Variants in PDE4D observed in about 807,000 individuals in gnomAD.
The protein encoded by PDE4D is phosphodiesterase 4D, also known as 3',5'-cyclic-AMP phosphodiesterase 4D.
PDE4D carries 24 observed loss-of-function variants against 87.4 expected under a neutral mutation model. The ratio of observed to expected loss-of-function variants is 0.27; its 90% CI spans 0.20 to 0.39. PDE4D has a LOEUF of 0.39. PDE4D is among the 10% of genes least tolerant of loss of function. PDE4D has a pLI of 1.00. For synonymous variants in PDE4D, 384 were observed against 383.2 expected (o/e 1.00, Z -0.02); for missense variants, 714 against 1,041.0 (o/e 0.69, Z 4.32).
chr5:59,230,990 A>T (rs115934629), intron 1 of PDE4D, among the ~76,000 whole-genome samples: 2,500 of 152,288 alleles, frequency 0.016, 38 homozygotes, highest in Non-Finnish European at 0.021. Flanking sequence ...AGTGGAGAAT[A>T]AAAAAAGATA....
At chr5:60,017,983 G>A (rs376523374) in intron 2 of PDE4D, among the ~76,000 whole-genome samples, 47 of 152,030 alleles carry the variant, frequency 3.1e-4, no homozygotes, top group African/African-American at 1.1e-3. Context: ...TTTAATAATC[G>A]CAATTCTGAC....
chr5:59,514,968 G>A (rs1409781690), intron 1 of PDE4D, among the ~76,000 whole-genome samples: 1 of 152,150 alleles, frequency 6.6e-6, no homozygotes, highest in Non-Finnish European at 1.5e-5. Context: ...AAATAAAGCA[G>A]CAATAAATAC....
intron 1 of PDE4D, among the ~76,000 whole-genome samples, chr5:60,453,875 T>C (rs574973211): frequency 3.4e-4 from 52 of 152,324 alleles, no homozygotes; most frequent in South Asian, 2.5e-3. Flanking sequence ...TGTTATTTTA[T>C]GTTCATGCCT....
intron 6 of PDE4D, among the ~76,000 whole-genome samples, chr5:59,007,423 AC>A (rs1202707839): frequency 6.6e-6 from 1 of 151,780 alleles, no homozygotes; most frequent in Non-Finnish European, 1.5e-5. Context: ...CAAGTATTAA[AC>A]AGAATAGCCA....
intron 3 of PDE4D, among the ~76,000 whole-genome samples, chr5:59,910,647 G>C (rs1187996591): frequency 6.6e-6 from 1 of 152,300 alleles, no homozygotes; most frequent in South Asian, 2.1e-4. Context: ...CAATCAAAAA[G>C]TGCCTCATTT....
At chr5:60,486,028 T>C (rs907451427) in intron 1 of PDE4D, among the ~76,000 whole-genome samples, 7 of 152,186 alleles carry the variant, frequency 4.6e-5, no homozygotes, top group African/African-American at 1.7e-4. Flanking sequence ...AGCAAGGTAA[T>C]GTAAACAATG....
At chr5:59,684,750 T>C (rs1749578558) in intron 1 of PDE4D, among the ~76,000 whole-genome samples, 1 of 152,136 alleles carries the variant, frequency 6.6e-6, no homozygotes, top group Non-Finnish European at 1.5e-5. Flanking sequence ...ATGCCCTGCT[T>C]CCTGGTATTT....
At chr5:60,228,755 C>T (rs544092021) in intron 1 of PDE4D, among the ~76,000 whole-genome samples, 35 of 152,184 alleles carry the variant, frequency 2.3e-4, no homozygotes, top group African/African-American at 8.4e-4. Flanking sequence ...CAAAAAGCCA[C>T]ATGGAATGAC....
At chr5:59,892,896 C>CCACACACACA (rs70975348) in intron 1 of PDE4D, among the ~76,000 whole-genome samples, 165 of 143,974 alleles carry the variant, frequency 1.1e-3, no homozygotes, top group Admixed American at 2.2e-3. Context: ...AGCGCGCGCA[C>CCACACACACA]CACACACACA....
intron 1 of PDE4D, among the ~76,000 whole-genome samples, chr5:60,218,100 A>G (rs1744078763): frequency 6.6e-6 from 1 of 152,068 alleles, no homozygotes; most frequent in Non-Finnish European, 1.5e-5. Context: ...CACAACAGAC[A>G]TTCATAACTG....
intron 1 of PDE4D, among the ~76,000 whole-genome samples, chr5:60,382,754 G>A (rs1226188019): frequency 6.6e-6 from 1 of 152,104 alleles, no homozygotes; most frequent in Admixed American, 6.6e-5. Context: ...CTACTCTTTT[G>A]TGTGAGAGAA....
intron 1 of PDE4D, among the ~76,000 whole-genome samples, chr5:59,773,397 A>G (rs1421945655): frequency 1.3e-5 from 2 of 152,134 alleles, no homozygotes; most frequent in Non-Finnish European, 2.9e-5. Context: ...GGTTATTTCT[A>G]TGGAAAACAG....
intron 3 of PDE4D, among the ~76,000 whole-genome samples, chr5:59,912,726 C>G (rs914056211): frequency 6.6e-6 from 1 of 152,140 alleles, no homozygotes; most frequent in Non-Finnish European, 1.5e-5. Context: ...TGAGCACCAA[C>G]TAATTGCCAG....
intron 1 of PDE4D, among the ~76,000 whole-genome samples, chr5:59,288,556 A>G (rs1767430848): frequency 6.6e-6 from 1 of 152,090 alleles, no homozygotes; most frequent in Non-Finnish European, 1.5e-5. Flanking sequence ...AATAACAGAG[A>G]CCTTCCTAAA....
chr5:60,244,298 G>A (rs576645764), intron 1 of PDE4D, among the ~76,000 whole-genome samples: 34 of 151,968 alleles, frequency 2.2e-4, no homozygotes, highest in African/African-American at 7.9e-4. Flanking sequence ...AGAAATTGAA[G>A]AGGACACAAA....
intron 3 of PDE4D, among the ~76,000 whole-genome samples, chr5:59,924,745 A>G (rs768139386): frequency 2.0e-5 from 3 of 152,212 alleles, no homozygotes; most frequent in African/African-American, 7.2e-5. Flanking sequence ...TTAATGAGCA[A>G]TAAGAATCAA....
At chr5:59,817,450 C>T (rs1052407152) in intron 1 of PDE4D, among the ~76,000 whole-genome samples, 1 of 152,126 alleles carries the variant, frequency 6.6e-6, no homozygotes, top group Non-Finnish European at 1.5e-5. Context: ...ACATTAATGA[C>T]CTATTAAATA....
chr5:59,253,924 A>G (rs937710484), intron 1 of PDE4D, among the ~76,000 whole-genome samples: 3 of 152,184 alleles, frequency 2.0e-5, no homozygotes, highest in African/African-American at 7.2e-5. Context: ...TCTATAAGGC[A>G]AACGAATTTT....
At chr5:60,019,033 T>C (rs1765786467) in intron 2 of PDE4D, among the ~76,000 whole-genome samples, 1 of 152,146 alleles carries the variant, frequency 6.6e-6, no homozygotes, top group African/African-American at 2.4e-5. Flanking sequence ...GAATATACAT[T>C]CTTCTTGGTG....
Sources: gnomAD v4.1 joint callset for allele counts (sites outside exome capture counted in the v4.1 genomes callset) on GRCh38, gnomAD v4.1.1 for gene constraint, MANE v1.5 for transcripts, NCBI Gene and HGNC (gene_info 2026-07-23, HGNC 2026-07-21) for gene names.